Variants in SAMD12 observed in about 807,000 individuals in gnomAD.
SAMD12 encodes the protein sterile alpha motif domain-containing protein 12.
SAMD12 carries 9 observed loss-of-function variants against 15.0 expected under a neutral mutation model. The observed-to-expected ratio is 0.60, with a 90% confidence interval of 0.36 to 1.05. The LOEUF (loss-of-function observed/expected upper bound fraction) is 1.05. Among genes scored for constraint, SAMD12 ranks in the 50% least tolerant of loss-of-function variants. The pLI, the probability that SAMD12 is intolerant of heterozygous loss-of-function variation, is 0.01. For missense variants in SAMD12, 230 were observed against 234.2 expected, an observed-to-expected ratio of 0.98 and a Z score of 0.12; for synonymous variants, 86 against 90.1, an observed-to-expected ratio of 0.96 and a Z score of 0.25.
chr8:118,476,502 T>C (rs1823964305), intron 2 of SAMD12, among the ~76,000 whole-genome samples: 1 of 152,210 alleles, frequency 6.6e-6, no homozygotes, highest in African/African-American at 2.4e-5. Context: ...TCCAGAAAGA[T>C]GAGACATCTT....
the SAMD12 span, among the ~76,000 whole-genome samples, chr8:118,152,312 C>T: frequency 6.6e-5 from 10 of 152,156 alleles, no homozygotes; most frequent in African/African-American, 2.4e-4. Context: ...AAAAGTAAAA[C>T]ATTTAAGATT....
At chr8:118,356,572 A>G (rs1369799823) in intron 4 of SAMD12, among the ~76,000 whole-genome samples, 1 of 152,160 alleles carries the variant, frequency 6.6e-6, no homozygotes, top group Non-Finnish European at 1.5e-5. Flanking sequence ...ACCTAATGTG[A>G]GTGAAAGGCG....
chr8:118,237,003 C>A (rs1193302173), intron 4 of SAMD12, among the ~76,000 whole-genome samples: 1 of 152,200 alleles, frequency 6.6e-6, no homozygotes, highest in Non-Finnish European at 1.5e-5. Context: ...GTAATAGCAG[C>A]CAGTTCTTTG....
At chr8:118,554,648 C>A (rs1432626085) in intron 2 of SAMD12, among the ~76,000 whole-genome samples, 1 of 151,258 alleles carries the variant, frequency 6.6e-6, no homozygotes, top group African/African-American at 2.4e-5. Flanking sequence ...GCACATTGTG[C>A]ACATGTACCC....
Position 118,305,144 on chromosome 8 carries a change from CA to C in SAMD12, c.433+74415del, listed in dbSNP as rs56200866. On this transcript the variant is annotated intron_variant, in intron 4 of 4. Coordinates refer to the SAMD12 transcript ENST00000409003. Reference sequence around the variant, plus strand: ...AGCCTGGGCAAAAGTGACTCCCTGTCAAAAAAAAAAAAAAAAAAAAAAAAAA... The same window carrying C: ...AGCCTGGGCAAAAGTGACTCCCTGTCAAAAAAAAAAAAAAAAAAAAAAAAA... Among the ~76,000 whole-genome samples, 54 of 48,878 alleles carry C rather than the reference CA, an allele frequency of 1.1e-3. 1 individual carries two copies. Among genetic ancestry groups the C allele is most frequent in the African/African-American group, 2.4e-3 (30 of 12,296 alleles). 32.1% of individuals were successfully genotyped at this position (48,878 alleles called of 152,430 possible). A position where few individuals can be genotyped will look rare whatever the true frequency, so the allele number is the denominator to read the frequency against.
At chr8:118,489,923 A>G (rs769083238) in intron 2 of SAMD12, among the ~76,000 whole-genome samples, 1 of 152,118 alleles carries the variant, frequency 6.6e-6, no homozygotes, top group African/African-American at 2.4e-5. Context: ...GGGGGGTATA[A>G]AAAAGGAAAG....
At chr8:118,403,388 G>A (rs1237257630) in intron 3 of SAMD12, among the ~76,000 whole-genome samples, 2 of 151,942 alleles carry the variant, frequency 1.3e-5, no homozygotes, top group East Asian at 3.9e-4. Flanking sequence ...AGGCAGTATG[G>A]CAGAGTGGGT....
chr8:118,597,197 G>A (rs929149044), intron 1 of SAMD12, among the ~76,000 whole-genome samples: 2 of 152,144 alleles, frequency 1.3e-5, no homozygotes, highest in East Asian at 1.9e-4. Flanking sequence ...TAGGGCCAAC[G>A]GGGGCTCCTT....
chr8:118,446,067 A>T (rs998392298), intron 2 of SAMD12, among the ~76,000 whole-genome samples: 1 of 152,114 alleles, frequency 6.6e-6, no homozygotes, highest in Non-Finnish European at 1.5e-5. Flanking sequence ...TTATTAACCA[A>T]TGTATTCGTT....
intron 2 of SAMD12, among the ~76,000 whole-genome samples, chr8:118,515,185 A>ATTTTTTTTTTTTTTTTTTTT (rs55864364): frequency 1.9e-5 from 2 of 103,314 alleles, no homozygotes; most frequent in African/African-American, 3.9e-5. Context: ...CGCCCAGCTA[A>ATTTTTTTTTTTTTTTTTTTT]TTTTTTTTTT....
At chr8:118,604,410 T>C (rs891982556) in intron 1 of SAMD12, among the ~76,000 whole-genome samples, 11 of 152,276 alleles carry the variant, frequency 7.2e-5, no homozygotes, top group African/African-American at 2.6e-4. Context: ...CACAGAAATA[T>C]AGTGGTTGAA....
chr8:118,299,785 T>C (rs1814920382), intron 4 of SAMD12, among the ~76,000 whole-genome samples: 1 of 152,192 alleles, frequency 6.6e-6, no homozygotes, highest in African/African-American at 2.4e-5. Context: ...CTTCATGGCC[T>C]ACAGACATAT....
intron 4 of SAMD12, among the ~76,000 whole-genome samples, chr8:118,242,924 G>A (rs188935886): frequency 1.1e-3 from 168 of 152,270 alleles, no homozygotes; most frequent in African/African-American, 3.8e-3. Flanking sequence ...GCAGAGAGTA[G>A]ACAATGGTTT....
At chr8:118,499,304 TCAGTCTTCTACA>T (rs1480342336) in intron 2 of SAMD12, among the ~76,000 whole-genome samples, 3 of 152,198 alleles carry the variant, frequency 2.0e-5, no homozygotes. Flanking sequence ...AACAGAAAGT[TCAGTCTTCTACA>T]GGCACAGAGG....
chr8:118,407,795 C>T (rs1821206254), intron 3 of SAMD12, among the ~76,000 whole-genome samples: 1 of 152,054 alleles, frequency 6.6e-6, no homozygotes, highest in Non-Finnish European at 1.5e-5. Flanking sequence ...ACCTTTGCCC[C>T]TTTTTTCATT....
intron 2 of SAMD12, among the ~76,000 whole-genome samples, chr8:118,529,088 C>T (rs1035089360): frequency 9.2e-5 from 14 of 152,194 alleles, no homozygotes; most frequent in Admixed American, 4.6e-4. Context: ...CAGACAACCA[C>T]TACACAGTTC....
chr8:118,500,007 T>TC (rs137960427), intron 2 of SAMD12, among the ~76,000 whole-genome samples: 1 of 142,706 alleles, frequency 7.0e-6, no homozygotes, highest in South Asian at 2.2e-4. Flanking sequence ...ATCTGTACGG[T>TC]CCCCCCACAT....
chr8:118,457,617 C>T lies in SAMD12; in HGVS notation c.193-17656G>A, dbSNP rs951569405. On this transcript the variant is annotated intron_variant, in intron 2 of 3. Coordinates refer to ENST00000314727, the MANE Select transcript of SAMD12 (RefSeq NM_207506.3). ...CTGGGGCGTAATTCACTCAGACCCA[C>T]AGGAAAGCAAAAATGTGTAGGATTT... Among the ~76,000 whole-genome samples the T allele has an allele frequency of 4.6e-5, 7 of 152,146 alleles. No homozygotes were observed. In the East Asian group the frequency reaches 7.7e-4, roughly 17 times the overall value.
At chr8:118,314,289 A>G (rs980788535) in intron 4 of SAMD12, among the ~76,000 whole-genome samples, 4 of 152,120 alleles carry the variant, frequency 2.6e-5, no homozygotes, top group African/African-American at 9.7e-5. Context: ...TTCTTTTTTT[A>G]ACTTTTTATT....
Sources: gnomAD v4.1 joint callset for allele counts (sites outside exome capture counted in the v4.1 genomes callset) on GRCh38, gnomAD v4.1.1 for gene constraint, MANE v1.5 for transcripts, NCBI Gene and HGNC (gene_info 2026-07-23, HGNC 2026-07-21) for gene names.